GET1: variants seen among roughly 807,000 people sequenced by gnomAD.
GET1 encodes the protein congenital heart disease 5 protein.
A neutral mutation model predicts 22.6 loss-of-function variants in GET1; 20 were observed. The observed-to-expected ratio is 0.89, with a 90% CI of 0.62 to 1.29. The LOEUF is 1.29. Among genes scored for constraint, GET1 ranks in the 50% most tolerant of loss-of-function variants. The pLI, the probability that GET1 is intolerant of heterozygous loss-of-function variation, is 0.00. For missense variants in GET1, 209 were observed against 219.9 expected (o/e 0.95, Z 0.31); for synonymous variants, 92 against 83.8 (o/e 1.10, Z -0.53).
chr21:39,382,935 ATTC>A (rs1429793461), intron 1 of GET1, among the ~76,000 whole-genome samples: 1 of 151,938 alleles, frequency 6.6e-6, no homozygotes, highest in Non-Finnish European at 1.5e-5. Flanking sequence ...TTATTTATTT[ATTC>A]TTTTTATTTT....
At chr21:39,389,790 G>GCC (rs1342936961) in intron 1 of GET1, among the ~76,000 whole-genome samples, 1 of 152,138 alleles carries the variant, frequency 6.6e-6, no homozygotes, top group Non-Finnish European at 1.5e-5. Flanking sequence ...TCTGCCCTGG[G>GCC]CCCCTGCCTC....
chr21:39,423,015 A>T (rs1167362232), intron 1 of GET1: 2 of 1,613,940 alleles, frequency 1.2e-6, no homozygotes, highest in Non-Finnish European at 1.7e-6. Context: ...TTGTTGTGAT[A>T]ATAGATAATT....
At chr21:39,417,205 TTATTTTTG>T (rs1011930665) in intron 1 of GET1, among the ~76,000 whole-genome samples, 3 of 152,052 alleles carry the variant, frequency 2.0e-5, no homozygotes, top group East Asian at 1.9e-4. Flanking sequence ...GCTAATTTTT[TTATTTTTG>T]TATTTTTGTA....
At chr21:39,396,003 T>TATCATAAATA (rs2038617290) in intron 4 of GET1, among the ~76,000 whole-genome samples, 1 of 152,214 alleles carries the variant, frequency 6.6e-6, no homozygotes. Flanking sequence ...TAAATAGTAA[T>TATCATAAATA]GCACATCTCT....
downstream of GET1, among the ~76,000 whole-genome samples, chr21:39,407,607 GTTA>G (rs2039307998): frequency 6.6e-6 from 1 of 152,214 alleles, no homozygotes; most frequent in Non-Finnish European, 1.5e-5. Flanking sequence ...ATTCCAGGCA[GTTA>G]TTATAGACAA....
At chr21:39,393,006 T>G (rs1601628402) in intron 3 of GET1, 160 bp from the exon 4 acceptor site, 2 of 586,970 alleles carry the variant, frequency 3.4e-6, no homozygotes. Context: ...TTAGTGGCTG[T>G]GCGTGCTCAT....
intron 1 of GET1, among the ~76,000 whole-genome samples, chr21:39,419,056 T>C (rs1369188408): frequency 6.6e-6 from 1 of 151,786 alleles, no homozygotes. Flanking sequence ...AAAGGGAAAA[T>C]TTTCTTTCTT....
At chr21:39,402,325 G>A (rs1266892020), downstream of GET1, among the ~76,000 whole-genome samples, 2 of 152,084 alleles carry the variant, frequency 1.3e-5, no homozygotes, top group East Asian at 1.9e-4. Flanking sequence ...GGCTGATCTC[G>A]AACTCCTGGC....
rs1252835553 is a variant in GET1, at chr21:39,397,175, G to A, written c.*236G>A. On this transcript the variant is annotated 3_prime_UTR_variant, in exon 5 of 5. Coordinates refer to ENST00000649170, the MANE Select transcript of GET1 (RefSeq NM_004627.6). Reference sequence around the variant, plus strand: ...TGACACGTATGTACTAGTGAACACCGTCCTCGATCTGTACGAAATGTGAAA... The same window carrying A: ...TGACACGTATGTACTAGTGAACACCATCCTCGATCTGTACGAAATGTGAAA... The A allele has an allele frequency of 1.9e-5, 10 of 533,408 alleles. No homozygotes were observed. The highest frequency in any genetic ancestry group is 3.3e-5 in the Non-Finnish European group (10 of 301,344). The allele number at this position is 533,408 out of a possible 1,614,324, so 33.0% of individuals were successfully genotyped here. A position where few individuals can be genotyped will look rare whatever the true frequency, so the allele number is the denominator to read the frequency against.
intron 1 of GET1, among the ~76,000 whole-genome samples, chr21:39,389,193 AACT>A (rs1192818403): frequency 6.6e-6 from 1 of 151,980 alleles, no homozygotes; most frequent in Non-Finnish European, 1.5e-5. Flanking sequence ...GCTGGTCTTG[AACT>A]CCTGGGCTCA....
intron 1 of GET1, among the ~76,000 whole-genome samples, chr21:39,389,065 T>C (rs1296790803): frequency 6.6e-6 from 1 of 152,146 alleles, no homozygotes; most frequent in African/African-American, 2.4e-5. Context: ...CCTGCCTGCC[T>C]TCCTTCCTTC....
intron 2 of GET1, 75 bp downstream of exon 2, chr21:39,390,938 A>G: frequency 6.6e-7 from 1 of 1,507,910 alleles, no homozygotes; most frequent in Non-Finnish European, 9.0e-7. Flanking sequence ...AGATTAGTAG[A>G]ATACATACTT....
intron 4 of GET1, among the ~76,000 whole-genome samples, chr21:39,394,104 C>T (rs906696820): frequency 1.3e-5 from 2 of 151,836 alleles, no homozygotes; most frequent in African/African-American, 2.4e-5. Context: ...CCAAGGTGGG[C>T]GGATTGCCTG....
At position 39,383,100 on chromosome 21, in the gene GET1, A is replaced by G. The variant is rs189038976; in HGVS notation, c.102+2614A>G. Among the ~76,000 whole-genome samples, 1,251 of 148,336 alleles carry G rather than the reference A, an allele frequency of 8.4e-3. 6 individuals are homozygous for G. The highest frequency in any genetic ancestry group is 0.014 in the African/African-American group (551 of 40,086). ...CGAGTAGCTGGGACTACAGGTGCCC[A>G]CCACCACCACAACCGGCTAATTTTT... is the stretch of plus-strand genomic sequence containing the variant. On this transcript the variant is annotated intron_variant, in intron 1 of 4. Coordinates refer to ENST00000649170, the MANE Select transcript of GET1 (RefSeq NM_004627.6).
At chr21:39,391,411 G>A (rs1424392366) in intron 2 of GET1, 6 of 283,374 alleles carry the variant, frequency 2.1e-5, no homozygotes, top group South Asian at 1.3e-4. Context: ...AGGACAAGCT[G>A]GACTCCCACC....
chr21:39,395,301 A>G (rs1209689895), intron 4 of GET1, among the ~76,000 whole-genome samples: 2 of 151,818 alleles, frequency 1.3e-5, no homozygotes, highest in Non-Finnish European at 2.9e-5. Flanking sequence ...CAGCACACAT[A>G]CTTGCTGGTC....
intron 1 of GET1, among the ~76,000 whole-genome samples, chr21:39,414,502 A>C (rs2040689628): frequency 1.3e-5 from 2 of 152,158 alleles, no homozygotes; most frequent in South Asian, 4.1e-4. Flanking sequence ...GACTTTCGTT[A>C]ATGTGGCAGA....
chr21:39,385,713 C>G (rs1462554614), intron 1 of GET1, among the ~76,000 whole-genome samples: 1 of 151,876 alleles, frequency 6.6e-6, no homozygotes, highest in East Asian at 1.9e-4. Context: ...CAGGACTGGC[C>G]CGGGCTCAAG....
downstream of GET1, chr21:39,408,463 G>A (rs1451529764): frequency 1.3e-5 from 2 of 152,296 alleles, no homozygotes; most frequent in African/African-American, 2.4e-5. Flanking sequence ...ATCCCAGGAT[G>A]TTAGCTGCAC....
Sources: allele counts gnomAD v4.1 joint callset (sites outside exome capture counted in the v4.1 genomes callset), GRCh38; gene constraint gnomAD v4.1.1; transcripts MANE v1.5; gene names NCBI Gene and HGNC (gene_info 2026-07-23, HGNC 2026-07-21).